UNC13C: variants seen among roughly 807,000 people sequenced by gnomAD.
UNC13C encodes the protein unc-13 homolog C, also known as protein unc-13 homolog C.
UNC13C carries 174 observed loss-of-function variants against 245.4 expected under a neutral mutation model. The observed-to-expected ratio is 0.71, with a 90% CI of 0.63 to 0.80. The LOEUF (loss-of-function observed/expected upper bound fraction) is 0.80, where lower values mean the gene tolerates loss of function less well. Ranked by LOEUF, UNC13C falls within the 30% of genes least tolerant of loss-of-function variation. The pLI, the probability that UNC13C is intolerant of heterozygous loss-of-function variation, is 0.00. For synonymous variants in UNC13C, 992 were observed against 895.1 expected (o/e 1.11, Z -1.93); for missense variants, 2,829 against 2,602.9 (o/e 1.09, Z -1.89).
At chr15:53,841,444 A>G in the UNC13C span, among the ~76,000 whole-genome samples, 2 of 152,158 alleles carry the variant, frequency 1.3e-5, no homozygotes, top group Admixed American at 6.6e-5. Flanking sequence ...CTTATTCTGC[A>G]CTTTTACTGA....
chr15:54,321,188 T>G (rs777164661), intron 13 of UNC13C: 8 of 508,880 alleles, frequency 1.6e-5, no homozygotes, highest in Non-Finnish European at 3.1e-5. Flanking sequence ...GTAAGGTGTT[T>G]CTGAATGACA....
At chr15:54,398,721 A>C (rs1472335377) in intron 18 of UNC13C, among the ~76,000 whole-genome samples, 1 of 151,274 alleles carries the variant, frequency 6.6e-6, no homozygotes, top group East Asian at 1.9e-4. Flanking sequence ...TTTCCATTTA[A>C]TCTAAGTGGT....
chr15:54,480,533 T>G (rs1176512563), intron 19 of UNC13C, among the ~76,000 whole-genome samples: 1 of 147,402 alleles, frequency 6.8e-6, no homozygotes, highest in Non-Finnish European at 1.5e-5. Context: ...TTATGTTTTT[T>G]CATTCATTAA....
chr15:54,623,987 A>G, intron 32 of UNC13C, 33 bp downstream of exon 32: 1 of 1,611,646 alleles, frequency 6.2e-7, no homozygotes, highest in East Asian at 2.2e-5. Flanking sequence ...TTATTCTACC[A>G]GGCAATAGTT....
chr15:54,285,887 AT>A (rs543341800), intron 10 of UNC13C, among the ~76,000 whole-genome samples: 3 of 151,470 alleles, frequency 2.0e-5, no homozygotes, highest in African/African-American at 4.8e-5. Flanking sequence ...TTATTTATTT[AT>A]TTTTTTTAAG....
chr15:54,471,057 A>C (rs1396436543), intron 19 of UNC13C, among the ~76,000 whole-genome samples: 1 of 151,398 alleles, frequency 6.6e-6, no homozygotes, highest in East Asian at 1.9e-4. Context: ...TTATATAATT[A>C]TGGTTGGAAA....
intron 30 of UNC13C, among the ~76,000 whole-genome samples, chr15:54,575,747 C>G (rs1897933718): frequency 6.6e-6 from 1 of 152,190 alleles, no homozygotes; most frequent in Non-Finnish European, 1.5e-5. Flanking sequence ...CAGAGATAAT[C>G]AGAGATCTGG....
At chr15:54,299,780 T>C (rs923001442) in intron 12 of UNC13C, among the ~76,000 whole-genome samples, 70 of 152,234 alleles carry the variant, frequency 4.6e-4, no homozygotes, top group African/African-American at 1.7e-3. Context: ...TAATAGAATC[T>C]AATTCTGAGA....
At chr15:54,318,209 G>A (rs185477784) in intron 13 of UNC13C, among the ~76,000 whole-genome samples, 2 of 151,780 alleles carry the variant, frequency 1.3e-5, no homozygotes, top group South Asian at 2.1e-4. Context: ...TCTCTTTGAC[G>A]TGCTGATTTC....
chr15:54,302,042 A>C (rs568162069), intron 13 of UNC13C, among the ~76,000 whole-genome samples: 2 of 152,276 alleles, frequency 1.3e-5, no homozygotes, highest in South Asian at 4.1e-4. Context: ...ATGACCAGTG[A>C]TGATGAGCTT....
chr15:54,211,586 C>G (rs954256792), intron 4 of UNC13C, among the ~76,000 whole-genome samples: 1 of 151,972 alleles, frequency 6.6e-6, no homozygotes, highest in South Asian at 2.1e-4. Flanking sequence ...CATCTAGAAC[C>G]GTGGGCTAGC....
At chr15:54,192,952 A>G (rs1164917823) in intron 4 of UNC13C, among the ~76,000 whole-genome samples, 5 of 152,210 alleles carry the variant, frequency 3.3e-5, no homozygotes, top group East Asian at 1.9e-4. Context: ...GGAAAAAGAA[A>G]GAAGTGAGAT....
At chr15:54,141,077 TAATG>T (rs1257234840) in intron 2 of UNC13C, among the ~76,000 whole-genome samples, 1 of 152,192 alleles carries the variant, frequency 6.6e-6, no homozygotes, top group African/African-American at 2.4e-5. Context: ...CAACAGGAGA[TAATG>T]AATATAAAGT....
chr15:54,264,561 T>G (rs921428348), intron 9 of UNC13C, among the ~76,000 whole-genome samples, 166 bp downstream of exon 9: 4 of 150,464 alleles, frequency 2.7e-5, no homozygotes, highest in Non-Finnish European at 5.9e-5. Flanking sequence ...ACATACTAGA[T>G]AAGTGAAATA....
chr15:54,219,444 T>C (rs1400910385), intron 4 of UNC13C, among the ~76,000 whole-genome samples: 2 of 151,994 alleles, frequency 1.3e-5, no homozygotes, highest in Non-Finnish European at 2.9e-5. Context: ...CTACAAAAAT[T>C]AATTCAAGAT....
the UNC13C span, among the ~76,000 whole-genome samples, chr15:53,970,733 T>C: frequency 6.6e-6 from 1 of 152,222 alleles, no homozygotes; most frequent in East Asian, 1.9e-4. Context: ...GATACTGGGC[T>C]TAATACTTAC....
Position 54,627,237 on chromosome 15 carries a change from A to G in UNC13C, c.*124A>G. Reference sequence around the variant, plus strand: ...GCCAGTACTCATGTACGATGTCTACAAGGTATGTAAAAAACCTGCTGAACT... The same window carrying G: ...GCCAGTACTCATGTACGATGTCTACGAGGTATGTAAAAAACCTGCTGAACT... On this transcript the variant is annotated 3_prime_UTR_variant, in exon 33 of 33. Transcript: ENST00000260323. 9.6e-7 allele frequency: 1 copy of G among 1,037,794 alleles called. No individual in the cohort carries two copies. The highest frequency in any genetic ancestry group is 1.3e-6 in the Non-Finnish European group (1 of 753,440). 64.3% of individuals were successfully genotyped at this position (1,037,794 alleles called of 1,614,324 possible). A position where few individuals can be genotyped will look rare whatever the true frequency, so the allele number is the denominator to read the frequency against.
At chr15:54,462,971 A>G (rs1891938645) in intron 19 of UNC13C, among the ~76,000 whole-genome samples, 1 of 152,000 alleles carries the variant, frequency 6.6e-6, no homozygotes, top group African/African-American at 2.4e-5. Flanking sequence ...TTGTAAATGC[A>G]CCAATCAGCA....
intron 1 of UNC13C, among the ~76,000 whole-genome samples, chr15:53,982,144 C>T (rs976823775): frequency 6.6e-6 from 1 of 152,006 alleles, no homozygotes; most frequent in Non-Finnish European, 1.5e-5. Flanking sequence ...TTCTTGTCTC[C>T]CTACATTTTC....
Sources: gnomAD v4.1 joint callset for allele counts (sites outside exome capture counted in the v4.1 genomes callset) on GRCh38, gnomAD v4.1.1 for gene constraint, MANE v1.5 for transcripts, NCBI Gene and HGNC (gene_info 2026-07-23, HGNC 2026-07-21) for gene names.